The following KANK1 variants were observed in gnomAD, a reference collection of about 807,000 sequenced individuals.
KANK1 encodes the protein KN motif and ankyrin repeat domain-containing protein 1.
In KANK1, 109 loss-of-function variants were observed where a neutral mutation model predicts 106.2. That is an observed-to-expected ratio of 1.03 (90% CI 0.88 to 1.20). The LOEUF (loss-of-function observed/expected upper bound fraction) is 1.20, where lower values mean the gene tolerates loss of function less well. Among genes scored for constraint, KANK1 ranks in the 50% most tolerant of loss-of-function variants. The pLI is 0.00. For missense variants in KANK1, 2,399 were observed against 1,710.7 expected, an observed-to-expected ratio of 1.40 and a Z score of -7.10; for synonymous variants, 873 against 652.2, an observed-to-expected ratio of 1.34 and a Z score of -5.16.
intron 1 of KANK1, among the ~76,000 whole-genome samples, chr9:516,413 G>A (rs12343458): frequency 0.29 from 43,250 of 151,422 alleles, 10,537 homozygotes; most frequent in African/African-American, 0.66. Flanking sequence ...TGGGAGAAGC[G>A]ATTCAAATAA....
rs149144971 is a variant in KANK1, at chr9:618,064, G to A, written c.-83-58826G>A. On this transcript the variant is annotated intron_variant, in intron 1 of 11. Coordinates refer to ENST00000382297, the MANE Select transcript of KANK1 (RefSeq NM_015158.5). ...CTGCACACAAGGCAGTATCTTGAAGGTTATTTCAGTAGTACCCACGGAATT... is the reference window on the plus strand; with the variant it reads ...CTGCACACAAGGCAGTATCTTGAAGATTATTTCAGTAGTACCCACGGAATT... Among the ~76,000 whole-genome samples, 235 of 152,284 alleles carry A rather than the reference G, an allele frequency of 1.5e-3. 2 individuals are homozygous for A. Among genetic ancestry groups the A allele is most frequent in the African/African-American group, 5.3e-3 (219 of 41,548 alleles).
At chr9:655,058 A>G (rs904704026) in intron 1 of KANK1, among the ~76,000 whole-genome samples, 6 of 152,122 alleles carry the variant, frequency 3.9e-5, no homozygotes, top group African/African-American at 1.2e-4. Flanking sequence ...GTCTTTGATG[A>G]GACCTAGACA....
chr9:633,968 A>T (rs76408404), intron 1 of KANK1, among the ~76,000 whole-genome samples: 1 of 152,342 alleles, frequency 6.6e-6, no homozygotes, highest in African/African-American at 2.4e-5. Context: ...GATGCAAGTC[A>T]AAATCCAAGA....
intron 1 of KANK1, among the ~76,000 whole-genome samples, chr9:594,572 A>T (rs147844281): frequency 2.0e-5 from 3 of 151,962 alleles, no homozygotes; most frequent in African/African-American, 7.3e-5. Context: ...AAATACTCTA[A>T]AGTCTTAAAT....
chr9:593,597 A>T (rs1483387846), intron 1 of KANK1, among the ~76,000 whole-genome samples: 1 of 151,586 alleles, frequency 6.6e-6, no homozygotes, highest in Non-Finnish European at 1.5e-5. Context: ...TTACCCATTG[A>T]TGTTTTCACA....
At chr9:741,116 A>G (rs538092598) in intron 9 of KANK1, among the ~76,000 whole-genome samples, 182 bp downstream of exon 9, 5 of 152,284 alleles carry the variant, frequency 3.3e-5, no homozygotes, top group African/African-American at 1.2e-4. Flanking sequence ...CCAGGGAAAT[A>G]TGGGCTTAAA....
rs571137166 is a variant in KANK1 at position 635,746 on chromosome 9, T to C, written c.-83-41144T>C. 2.1e-3 allele frequency among the ~76,000 whole-genome samples: 290 copies of C among 139,088 alleles called. 2 individuals are homozygous for C. The highest frequency in any genetic ancestry group is 8.6e-3 in the Admixed American group (110 of 12,826). 91.2% of individuals were successfully genotyped at this position (139,088 alleles called of 152,430 possible). A position where few individuals can be genotyped will look rare whatever the true frequency, so the allele number is the denominator to read the frequency against. ...CGGAGTCTTACTCTGTTGCCCAGGCTGGAGTGCAGTGGCACGATCTCAGCT... is the reference window on the plus strand; with the variant it reads ...CGGAGTCTTACTCTGTTGCCCAGGCCGGAGTGCAGTGGCACGATCTCAGCT... On this transcript the variant is annotated intron_variant, in intron 1 of 11. Transcript: ENST00000382297.
intron 1 of KANK1, among the ~76,000 whole-genome samples, chr9:670,949 GTTTTTTTTTTTTT>G (rs5895857): frequency 8.7e-5 from 9 of 103,112 alleles, no homozygotes; most frequent in Non-Finnish European, 1.9e-4. Context: ...GTCTGCTGGA[GTTTTTTTTTTTTT>G]TTTTTTTTTT....
intron 1 of KANK1, among the ~76,000 whole-genome samples, chr9:645,834 A>G (rs913444415): frequency 6.0e-5 from 9 of 151,104 alleles, no homozygotes; most frequent in African/African-American, 9.9e-5. Flanking sequence ...CTCCATCTCA[A>G]AAAATGTGTA....
chr9:653,592 C>G (rs1385233058), intron 1 of KANK1, among the ~76,000 whole-genome samples: 3 of 152,066 alleles, frequency 2.0e-5, no homozygotes, highest in African/African-American at 4.8e-5. Context: ...TGCTGAAAAC[C>G]ACAAAACTTT....
At chr9:580,369 T>C (rs1821750257) in intron 1 of KANK1, among the ~76,000 whole-genome samples, 1 of 152,156 alleles carries the variant, frequency 6.6e-6, no homozygotes, top group African/African-American at 2.4e-5. Context: ...GAACAAAGCT[T>C]CCACACTGTG....
intron 1 of KANK1, among the ~76,000 whole-genome samples, chr9:652,103 A>G (rs1182532208): frequency 1.3e-5 from 2 of 152,096 alleles, no homozygotes; most frequent in African/African-American, 4.8e-5. Flanking sequence ...TGTAGGCCCT[A>G]TTTTCTTCAT....
rs151050562 is a variant in KANK1, at chr9:682,046, G to A, written c.37+5037G>A. On this transcript the variant is annotated intron_variant, in intron 2 of 11. Transcript: ENST00000382297. ...TGTAATTCCAGCACTTTGGGAGGCC[G>A]ATGCAGGTGGATCACCTGAGGTCAG... Among the ~76,000 whole-genome samples, 304 of 152,168 alleles carry A rather than the reference G, an allele frequency of 2.0e-3. 10 individuals carry two copies. In the East Asian group the frequency reaches 0.049, roughly 25 times the overall value.
chr9:553,482 G>A (rs576802028), intron 1 of KANK1, among the ~76,000 whole-genome samples: 128 of 152,236 alleles, frequency 8.4e-4, no homozygotes, highest in Middle Eastern at 3.4e-3. Context: ...TGATCAAGCT[G>A]AGTCCTCAGC....
intron 1 of KANK1, among the ~76,000 whole-genome samples, chr9:639,964 C>T (rs1272913650): frequency 6.6e-6 from 1 of 152,126 alleles, no homozygotes; most frequent in African/African-American, 2.4e-5. Flanking sequence ...TAATCACCTC[C>T]CAGAGGACCC....
chr9:627,273 T>C (rs989882286), intron 1 of KANK1, among the ~76,000 whole-genome samples: 5 of 152,186 alleles, frequency 3.3e-5, no homozygotes, highest in South Asian at 2.1e-4. Context: ...CCCTCCTCCT[T>C]CTCCCTAAAC....
At chr9:623,360 C>T (rs1352280852) in intron 1 of KANK1, among the ~76,000 whole-genome samples, 1 of 151,994 alleles carries the variant, frequency 6.6e-6, no homozygotes, top group Admixed American at 6.5e-5. Context: ...GAAGCCGAGG[C>T]AGGTGGATTG....
chr9:738,406 G>A lies in KANK1; in HGVS notation c.3455G>A (p.Arg1152His), dbSNP rs781692317. 2.4e-5 allele frequency: 39 copies of A among 1,613,980 alleles called. No homozygotes were observed. The highest frequency in any genetic ancestry group is 8.8e-5 in the South Asian group (8 of 91,082). Residue 1152 changes from arginine to histidine, a missense_variant, in exon 8 of 12, where the codon CGC (arginine) becomes CAC (histidine). Transcript: ENST00000382297. Reference protein sequence around the residue: ...AFEAISPDVLRYVINLADGNG... With the variant: ...AFEAISPDVLHYVINLADGNG... ...GAGGCCATTTCCCCAGATGTCCTCC[G>A]CTATGTCATCAACTTGGCAGACGGC...
chr9:639,044 G>C (rs369951939), intron 1 of KANK1, among the ~76,000 whole-genome samples: 2 of 152,266 alleles, frequency 1.3e-5, no homozygotes, highest in South Asian at 4.1e-4. Flanking sequence ...TCACACCTCA[G>C]TGTAAGTCTT....
Sources: allele counts gnomAD v4.1 joint callset (sites outside exome capture counted in the v4.1 genomes callset), GRCh38; gene constraint gnomAD v4.1.1; transcripts MANE v1.5; gene names NCBI Gene and HGNC (gene_info 2026-07-23, HGNC 2026-07-21).